Variants in PHACTR3 observed in about 807,000 individuals in gnomAD.
PHACTR3 encodes protein phosphatase 1, regulatory subunit 123.
A neutral mutation model predicts 66.8 loss-of-function variants in PHACTR3; 16 were observed. The observed-to-expected ratio is 0.24, with a 90% CI of 0.16 to 0.36. PHACTR3 has a LOEUF of 0.36. Ranked by LOEUF, PHACTR3 falls within the 10% of genes least tolerant of loss-of-function variation. The pLI, the probability that PHACTR3 is intolerant of heterozygous loss-of-function variation, is 1.00. For missense variants in PHACTR3, 647 were observed against 719.9 expected (o/e 0.90, Z 1.16); for synonymous variants, 323 against 292.1 (o/e 1.11, Z -1.08).
chr20:59,611,500 A>G (rs896460819), intron 1 of PHACTR3, among the ~76,000 whole-genome samples: 1 of 152,212 alleles, frequency 6.6e-6, no homozygotes, highest in Non-Finnish European at 1.5e-5. Flanking sequence ...GCCAGGCAGG[A>G]GTCATGGGAC....
intron 1 of PHACTR3, among the ~76,000 whole-genome samples, chr20:59,624,648 C>G (rs528542763): frequency 6.6e-6 from 1 of 152,128 alleles, no homozygotes. Flanking sequence ...GGAGTGGTCT[C>G]TGGCAACTCG....
intron 11 of PHACTR3, chr20:59,844,844 A>C (rs2059122675): frequency 6.0e-6 from 1 of 167,602 alleles, no homozygotes; most frequent in Non-Finnish European, 1.3e-5. Flanking sequence ...AAATGTTCCC[A>C]ACACATAGAA....
chr20:59,583,657 G>C (rs568976717), intron 1 of PHACTR3, among the ~76,000 whole-genome samples: 1 of 152,176 alleles, frequency 6.6e-6, no homozygotes, highest in Non-Finnish European at 1.5e-5. Flanking sequence ...ACCAGACTTC[G>C]GTAGCGGTTT....
At chr20:59,776,499 CAGCCACACGGGG>C (rs1467511910) in intron 7 of PHACTR3, among the ~76,000 whole-genome samples, 1 of 108,730 alleles carries the variant, frequency 9.2e-6, no homozygotes, top group Non-Finnish European at 2.2e-5. Flanking sequence ...CTGTCCTCAC[CAGCCACACGGGG>C]AGGATAGCCC....
At chr20:59,638,401 C>A (rs914798424) in intron 1 of PHACTR3, among the ~76,000 whole-genome samples, 14 of 137,862 alleles carry the variant, frequency 1.0e-4, no homozygotes, top group Non-Finnish European at 1.1e-4. Flanking sequence ...GATGGATGGG[C>A]AGGTGGGTGG....
At chr20:59,783,759 G>A (rs903839810) in intron 7 of PHACTR3, among the ~76,000 whole-genome samples, 8 of 152,218 alleles carry the variant, frequency 5.3e-5, no homozygotes, top group African/African-American at 1.9e-4. Context: ...GTCCCAGCCC[G>A]CAGGTGCCTG....
At chr20:59,670,613 G>GGGGGC (rs2036163469) in intron 1 of PHACTR3, among the ~76,000 whole-genome samples, 1 of 132,746 alleles carries the variant, frequency 7.5e-6, no homozygotes, top group South Asian at 2.9e-4. Flanking sequence ...GGTGGGGGGG[G>GGGGGC]GGGGCAGGCA....
At chr20:59,647,560 G>A (rs1178926164) in intron 1 of PHACTR3, among the ~76,000 whole-genome samples, 5 of 152,136 alleles carry the variant, frequency 3.3e-5, no homozygotes, top group Admixed American at 2.6e-4. Context: ...GCAGGTGGGG[G>A]TACAGTCCTC....
Position 59,802,761 on chromosome 20 carries a change from G to A in PHACTR3, c.1175-3280G>A, listed in dbSNP as rs937606606. On this transcript the variant is annotated intron_variant, in intron 7 of 12. Transcript: ENST00000371015. Reference sequence around the variant, plus strand: ...AAGCCCTGTCAGTTGTGATTGGAACGATGCCCCCGCCCACCACATTTGCTG... The same window carrying A: ...AAGCCCTGTCAGTTGTGATTGGAACAATGCCCCCGCCCACCACATTTGCTG... 2.6e-5 allele frequency among the ~76,000 whole-genome samples: 4 copies of A among 152,316 alleles called. No individual in the cohort carries two copies. The South Asian group carries it at 8.3e-4, about 32-fold the overall frequency.
intron 7 of PHACTR3, among the ~76,000 whole-genome samples, chr20:59,792,234 A>G (rs2041126065): frequency 6.6e-6 from 1 of 152,292 alleles, no homozygotes; most frequent in South Asian, 2.1e-4. Context: ...TGATGGACAT[A>G]TGGGTTGTTT....
rs554096485 is a variant in PHACTR3 at position 59,770,881 on chromosome 20, C to T, written c.752-2398C>T. Among the ~76,000 whole-genome samples, 7 of 152,324 alleles carry T rather than the reference C, an allele frequency of 4.6e-5. No individual in the cohort carries two copies. The South Asian group carries it at 1.0e-3, about 23-fold the overall frequency. ...GTCCAGTTGGTAACGCTCAACTCTG[C>T]GGGATGGGAGTCCCACAGCCTCTGC... On this transcript the variant is annotated intron_variant, in intron 5 of 12. Coordinates refer to ENST00000371015, the MANE Select transcript of PHACTR3 (RefSeq NM_080672.5).
chr20:59,739,454 G>T (rs1343951367), intron 1 of PHACTR3, among the ~76,000 whole-genome samples: 1 of 152,186 alleles, frequency 6.6e-6, no homozygotes, highest in African/African-American at 2.4e-5. Context: ...GTTTAGCATG[G>T]TTGGGGAAGC....
intron 5 of PHACTR3, among the ~76,000 whole-genome samples, chr20:59,769,725 G>A (rs1333984004): frequency 6.6e-6 from 1 of 152,244 alleles, no homozygotes; most frequent in Non-Finnish European, 1.5e-5. Context: ...CACTCAGCAA[G>A]TGCAGATGAT....
At chr20:59,635,445 G>T (rs910587033) in intron 1 of PHACTR3, among the ~76,000 whole-genome samples, 1 of 151,472 alleles carries the variant, frequency 6.6e-6, no homozygotes, top group Admixed American at 6.6e-5. Context: ...TGTTAGTCAG[G>T]CTGGTCGTGA....
At chr20:59,630,560 A>T (rs2034625258) in intron 1 of PHACTR3, among the ~76,000 whole-genome samples, 2 of 152,228 alleles carry the variant, frequency 1.3e-5, no homozygotes, top group South Asian at 4.1e-4. Context: ...TTTCTTAAGA[A>T]AACATTATAT....
intron 9 of PHACTR3, among the ~76,000 whole-genome samples, chr20:59,839,992 C>T (rs986467977): frequency 1.3e-5 from 2 of 152,120 alleles, no homozygotes; most frequent in Non-Finnish European, 2.9e-5. Context: ...ACTTAGTCTA[C>T]TACAGCTTTT....
chr20:59,697,096 T>G (rs1199589412), intron 1 of PHACTR3, among the ~76,000 whole-genome samples: 1 of 152,086 alleles, frequency 6.6e-6, no homozygotes, highest in Non-Finnish European at 1.5e-5. Context: ...CCTTTAATTC[T>G]CCCTAGGACT....
intron 1 of PHACTR3, among the ~76,000 whole-genome samples, chr20:59,621,976 G>A (rs1340782543): frequency 6.6e-6 from 1 of 152,160 alleles, no homozygotes; most frequent in Admixed American, 6.5e-5. Context: ...TGTCTTTTAG[G>A]CAATAACCTT....
intron 1 of PHACTR3, among the ~76,000 whole-genome samples, chr20:59,707,075 A>G (rs2037732917): frequency 1.3e-5 from 2 of 152,202 alleles, no homozygotes; most frequent in African/African-American, 4.8e-5. Flanking sequence ...GAAGAGAGGC[A>G]TTGATTGGTT....
Sources: gnomAD v4.1 joint callset for allele counts (sites outside exome capture counted in the v4.1 genomes callset) on GRCh38, gnomAD v4.1.1 for gene constraint, MANE v1.5 for transcripts, NCBI Gene and HGNC (gene_info 2026-07-23, HGNC 2026-07-21) for gene names.